Variants in PCDHGB5 observed in about 807,000 individuals in gnomAD.
PCDHGB5 encodes the protein protocadherin gamma subfamily B, 5, also known as protocadherin gamma-B5.
A neutral mutation model predicts 62.9 loss-of-function variants in PCDHGB5; 48 were observed. The ratio of observed to expected loss-of-function variants is 0.76; its 90% CI spans 0.61 to 0.97. PCDHGB5 has a LOEUF of 0.97. Ranked by LOEUF, PCDHGB5 falls within the 50% of genes least tolerant of loss-of-function variation. PCDHGB5 has a pLI of 0.00. For missense variants in PCDHGB5, 1,118 were observed against 1,198.6 expected, an observed-to-expected ratio of 0.93 and a Z score of 0.99; for synonymous variants, 474 against 511.2, an observed-to-expected ratio of 0.93 and a Z score of 0.98.
rs911465424 is a variant in PCDHGB5 at position 141,449,724 on chromosome 5, AT to A, written c.2398-45076del. ...AAACACATTATTTTTATATGATATG[AT>A]TTTTTTATGACATGATTATTTTTAT... On this transcript the variant is annotated intron_variant, in intron 1 of 3. Coordinates refer to ENST00000617380, the MANE Select transcript of PCDHGB5 (RefSeq NM_018925.3). 1.2e-4 allele frequency among the ~76,000 whole-genome samples: 18 copies of A among 151,282 alleles called. No homozygotes were observed. The South Asian group carries it at 1.9e-3, about 16-fold the overall frequency.
At chr5:141,427,940 C>T (rs1391166364) in intron 1 of PCDHGB5, 1 of 1,585,904 alleles carries the variant, frequency 6.3e-7, no homozygotes. Context: ...TGGTGGGCGA[C>T]CTCAATGACA....
intron 1 of PCDHGB5, 62 bp downstream of exon 1, chr5:141,400,586 A>G (rs963844263): frequency 6.2e-7 from 1 of 1,607,730 alleles, no homozygotes; most frequent in Non-Finnish European, 8.5e-7. Context: ...TTTACATGAA[A>G]CTATCGTACA....
At position 141,512,574 on chromosome 5, in the gene PCDHGB5, C is replaced by T. The variant is rs1429371202; in HGVS notation, c.*1401C>T. 6.5e-6 allele frequency: 1 copy of T among 152,884 alleles called. No homozygotes were observed. Among genetic ancestry groups the T allele is most frequent in the Non-Finnish European group, 1.5e-5 (1 of 68,502 alleles). The allele number at this position is 152,884 out of a possible 1,614,324, so 9.5% of individuals were successfully genotyped here. On this transcript the variant is annotated 3_prime_UTR_variant, in exon 4 of 4. Coordinates refer to ENST00000617380, the MANE Select transcript of PCDHGB5 (RefSeq NM_018925.3). ...GTGCATAGACCTTCTTCTCCCACCCCCTTCTGCCCCTGGGTCCCCGGCCAT... is the reference window on the plus strand; with the variant it reads ...GTGCATAGACCTTCTTCTCCCACCCTCTTCTGCCCCTGGGTCCCCGGCCAT...
At chr5:141,438,591 CATATATATATATATATAT>C (rs946798767) in intron 1 of PCDHGB5, among the ~76,000 whole-genome samples, 2 of 75,562 alleles carry the variant, frequency 2.6e-5, no homozygotes, top group Non-Finnish European at 5.4e-5. Context: ...TACATACATA[CATATATATATATATATAT>C]ATATATATAT....
chr5:141,455,104 G>A (rs2098813087), intron 1 of PCDHGB5, among the ~76,000 whole-genome samples: 1 of 151,888 alleles, frequency 6.6e-6, no homozygotes, highest in East Asian at 1.9e-4. Flanking sequence ...GAGCCACTGC[G>A]CCCGGTGGGT....
chr5:141,459,171 A>G (rs2098962477), intron 1 of PCDHGB5, among the ~76,000 whole-genome samples: 1 of 152,180 alleles, frequency 6.6e-6, no homozygotes, highest in Non-Finnish European at 1.5e-5. Flanking sequence ...ATAACCTTCA[A>G]AAGTTCCCTC....
Position 141,486,814 on chromosome 5 carries a change from C to T in PCDHGB5, c.2398-7993C>T, listed in dbSNP as rs1048351154. On this transcript the variant is annotated intron_variant, in intron 1 of 3. Transcript: ENST00000617380. The surrounding 1 kb of genome is among the most constrained non-coding windows in gnomAD (Gnocchi z 5.0). ...ATCGGGGCAACCCACCCCTTAGCAG[C>T]ACTGTAACAGTTCGTCTATTTGTGC... 1.2e-6 allele frequency: 2 copies of T among 1,614,122 alleles called. No individual in the cohort carries two copies. Among genetic ancestry groups the T allele is most frequent in the Non-Finnish European group, 1.7e-6 (2 of 1,180,052 alleles).
chr5:141,508,409 G>T (rs143032030), intron 3 of PCDHGB5: 4 of 152,276 alleles, frequency 2.6e-5, no homozygotes, highest in South Asian at 2.1e-4. Context: ...CTTGAGCCAC[G>T]CAGAGACTTG....
Position 141,418,943 on chromosome 5 carries a change from C to T in PCDHGB5, c.2397+18419C>T, listed in dbSNP as rs751344893. On this transcript the variant is annotated intron_variant, in intron 1 of 3. Coordinates refer to ENST00000617380, the MANE Select transcript of PCDHGB5 (RefSeq NM_018925.3). ...TGATCAGATTATGGAGGATTCCCCT[C>T]CAGGAGTGGTTGTTGCCCTCTTCAA... The T allele has an allele frequency of 3.1e-6, 5 of 1,613,914 alleles. No homozygotes were observed. The African/African-American group carries it at 6.7e-5, about 22-fold the overall frequency.
chr5:141,419,694 G>T, intron 1 of PCDHGB5: 2 of 1,612,974 alleles, frequency 1.2e-6, no homozygotes, highest in South Asian at 1.1e-5. Context: ...GTGCAGGCCA[G>T]TGAGCCCGGG....
intron 1 of PCDHGB5, among the ~76,000 whole-genome samples, chr5:141,494,498 C>G (rs2099754760): frequency 6.6e-6 from 1 of 152,138 alleles, no homozygotes; most frequent in African/African-American, 2.4e-5. Flanking sequence ...GCCTTCAGTC[C>G]TTGAATTTTG....
intron 1 of PCDHGB5, among the ~76,000 whole-genome samples, chr5:141,405,840 A>G (rs1005736499): frequency 6.6e-6 from 1 of 152,188 alleles, no homozygotes; most frequent in African/African-American, 2.4e-5. Flanking sequence ...GTATAAGTTG[A>G]TATCAGTGTG....
chr5:141,433,289 G>A, intron 1 of PCDHGB5: 1 of 1,130,682 alleles, frequency 8.8e-7, no homozygotes, highest in Non-Finnish European at 1.3e-6. Flanking sequence ...AAACTCCTAG[G>A]CTCAAGCAAT....
chr5:141,487,435 A>G lies in PCDHGB5; in HGVS notation c.2398-7372A>G, dbSNP rs776328527. On this transcript the variant is annotated intron_variant, in intron 1 of 3. Transcript: ENST00000617380. The surrounding 1 kb of genome is among the most constrained non-coding windows in gnomAD (Gnocchi z 5.0). ...CCAATGGGATCCTCCGAATCCAGCT[A>G]GGGTCAGATGACCCTATCAAGTTTG... 3.7e-6 allele frequency: 6 copies of G among 1,614,164 alleles called. No individual in the cohort carries two copies. In the South Asian group the frequency reaches 6.6e-5, roughly 18 times the overall value.
At chr5:141,421,119 C>T (rs542039688) in intron 1 of PCDHGB5, 1 of 772,768 alleles carries the variant, frequency 1.3e-6, no homozygotes, top group Non-Finnish European at 2.0e-6. Flanking sequence ...TATTTTCCTT[C>T]GCTTTCTGAT....
At chr5:141,445,134 A>T (rs900226020) in intron 1 of PCDHGB5, among the ~76,000 whole-genome samples, 1 of 152,198 alleles carries the variant, frequency 6.6e-6, no homozygotes, top group East Asian at 1.9e-4. Context: ...TTAAAATTGT[A>T]TCTTCTAATT....
Position 141,485,814 on chromosome 5 carries a change from C to T in PCDHGB5, c.2398-8993C>T, listed in dbSNP as rs2099619616. 7.4e-6 allele frequency: 12 copies of T among 1,613,982 alleles called. No individual in the cohort carries two copies. The East Asian group carries it at 2.2e-4, about 30-fold the overall frequency. On this transcript the variant is annotated intron_variant, in intron 1 of 3. Coordinates refer to ENST00000617380, the MANE Select transcript of PCDHGB5 (RefSeq NM_018925.3). This position sits in a 1 kb window ranked among gnomAD's most constrained non-coding sequence, Gnocchi z 5.7. ...TCGGACTACCGCCTGGTGCTGACTG[C>T]TGTCGATGGAGGGAACCCGCCGAGA...
rs202006594 is a variant in PCDHGB5 at position 141,477,618 on chromosome 5, C to G, written c.2398-17189C>G. On this transcript the variant is annotated intron_variant, in intron 1 of 3. Coordinates refer to ENST00000617380, the MANE Select transcript of PCDHGB5 (RefSeq NM_018925.3). The surrounding 1 kb of genome is among the most constrained non-coding windows in gnomAD (Gnocchi z 4.9). ...TCTTTCTTTCTCTTGGAGCAAGGAGCTGAAACCGGGCTAGTGGGTCGCTAT... is the reference window on the plus strand; with the variant it reads ...TCTTTCTTTCTCTTGGAGCAAGGAGGTGAAACCGGGCTAGTGGGTCGCTAT... 6.2e-7 allele frequency: 1 copy of G among 1,614,176 alleles called. No individual in the cohort carries two copies. Among genetic ancestry groups the G allele is most frequent in the East Asian group, 2.2e-5 (1 of 44,890 alleles).
intron 1 of PCDHGB5, among the ~76,000 whole-genome samples, chr5:141,458,726 C>T (rs1301761231): frequency 1.3e-5 from 2 of 151,992 alleles, no homozygotes; most frequent in African/African-American, 4.8e-5. Flanking sequence ...TTCGCCACCA[C>T]ATCCAGCTAT....
Sources: gnomAD v4.1 joint callset for allele counts (sites outside exome capture counted in the v4.1 genomes callset) on GRCh38, gnomAD v4.1.1 for gene constraint, Gnocchi (gnomAD v3.1) non-coding constraint, MANE v1.5 for transcripts, NCBI Gene and HGNC (gene_info 2026-07-23, HGNC 2026-07-21) for gene names.